PCDH9: variants seen among roughly 807,000 people sequenced by gnomAD.
The protein encoded by PCDH9 is protocadherin-9.
In PCDH9, 24 loss-of-function variants were observed where a neutral mutation model predicts 70.6. The ratio of observed to expected loss-of-function variants is 0.34; its 90% CI spans 0.25 to 0.48. The LOEUF is 0.48. PCDH9 is among the 20% of genes least tolerant of loss of function. The pLI, the probability that PCDH9 is intolerant of heterozygous loss-of-function variation, is 0.99. For missense variants in PCDH9, 1,281 were observed against 1,503.6 expected (o/e 0.85, Z 2.45); for synonymous variants, 562 against 558.5 (o/e 1.01, Z -0.09).
chr13:66,959,372 A>G (rs2139720975), intron 2 of PCDH9, among the ~76,000 whole-genome samples: 1 of 152,330 alleles, frequency 6.6e-6, no homozygotes, highest in East Asian at 1.9e-4. Flanking sequence ...CAAGAATGGC[A>G]TGATCTCAAT....
rs190549258 is a variant in PCDH9, at chr13:66,846,411, T to C, written c.3138+57093A>G. Among the ~76,000 whole-genome samples the C allele has an allele frequency of 1.5e-3, 228 of 152,284 alleles. 1 individual carries two copies. Among genetic ancestry groups the C allele is most frequent in the African/African-American group, 5.1e-3 (212 of 41,576 alleles). The stretch of plus-strand genomic sequence containing the variant: ...AGAATATATGAATGCCTTTTTTCAC[T>C]ACCAACATGTTGACCAGATGTTTTT... On this transcript the variant is annotated intron_variant, in intron 3 of 4. Transcript: ENST00000377865.
intron 3 of PCDH9, among the ~76,000 whole-genome samples, chr13:66,709,834 A>C (rs1463895526): frequency 6.6e-6 from 1 of 152,314 alleles, no homozygotes; most frequent in East Asian, 1.9e-4. Context: ...GTATATACTT[A>C]ACAGAGTCAG....
At chr13:66,426,025 A>T (rs1957662224) in intron 4 of PCDH9, among the ~76,000 whole-genome samples, 1 of 151,672 alleles carries the variant, frequency 6.6e-6, no homozygotes, top group African/African-American at 2.4e-5. Flanking sequence ...GTTCATCATG[A>T]CGTCATGTTA....
chr13:66,590,136 C>A (rs1326393441), intron 4 of PCDH9, among the ~76,000 whole-genome samples: 3 of 151,936 alleles, frequency 2.0e-5, no homozygotes, highest in African/African-American at 7.2e-5. Flanking sequence ...AAAATTAATT[C>A]TCAGTCTGTT....
At chr13:66,593,933 T>C (rs1356413042) in intron 4 of PCDH9, among the ~76,000 whole-genome samples, 1 of 62,636 alleles carries the variant, frequency 1.6e-5, no homozygotes, top group Admixed American at 2.2e-4. Flanking sequence ...TTATTATATA[T>C]AAAGTTTTTT....
intron 4 of PCDH9, among the ~76,000 whole-genome samples, chr13:66,398,502 T>C (rs1192835945): frequency 6.6e-6 from 1 of 152,100 alleles, no homozygotes; most frequent in African/African-American, 2.4e-5. Flanking sequence ...TTTCTTACTC[T>C]CTCCTTTGTT....
At chr13:67,019,437 C>T (rs1246185010) in intron 2 of PCDH9, among the ~76,000 whole-genome samples, 1 of 151,962 alleles carries the variant, frequency 6.6e-6, no homozygotes, top group East Asian at 1.9e-4. Flanking sequence ...CCTCATGATC[C>T]TCCCGCCTCA....
chr13:66,581,937 A>G (rs1480725271), intron 4 of PCDH9, among the ~76,000 whole-genome samples: 1 of 152,182 alleles, frequency 6.6e-6, no homozygotes, highest in East Asian at 1.9e-4. Context: ...TATGGAACAC[A>G]GGATCTGCTA....
chr13:66,794,524 A>C (rs2080209989), intron 3 of PCDH9, among the ~76,000 whole-genome samples: 1 of 152,120 alleles, frequency 6.6e-6, no homozygotes, highest in South Asian at 2.1e-4. Flanking sequence ...CAGCCTGCAC[A>C]TTTATAGGTG....
At chr13:66,366,116 A>G (rs1263847981) in intron 4 of PCDH9, among the ~76,000 whole-genome samples, 1 of 152,036 alleles carries the variant, frequency 6.6e-6, no homozygotes, top group Non-Finnish European at 1.5e-5. Context: ...TGAGGGGATA[A>G]AACAGTGGCC....
chr13:66,778,732 G>A (rs2079942522), intron 3 of PCDH9, among the ~76,000 whole-genome samples: 1 of 152,176 alleles, frequency 6.6e-6, no homozygotes, highest in African/African-American at 2.4e-5. Flanking sequence ...ATAAAGCTGA[G>A]ATAAGGAAAA....
At chr13:66,432,034 T>C (rs1226074278) in intron 4 of PCDH9, among the ~76,000 whole-genome samples, 3 of 152,034 alleles carry the variant, frequency 2.0e-5, no homozygotes. Context: ...ATTCGTTGTG[T>C]TTTTCATGAT....
intron 2 of PCDH9, among the ~76,000 whole-genome samples, chr13:67,098,985 T>A (rs2086378525): frequency 6.6e-6 from 1 of 152,152 alleles, no homozygotes; most frequent in Admixed American, 6.5e-5. Flanking sequence ...TCTCAGGCAA[T>A]CTTTTGTAAA....
intron 2 of PCDH9, among the ~76,000 whole-genome samples, chr13:67,176,524 CA>C (rs71691968): frequency 4.4e-4 from 67 of 150,716 alleles, no homozygotes; most frequent in African/African-American, 1.4e-3. Flanking sequence ...TAAAAATAAA[CA>C]AAAAAAAAAC....
chr13:66,871,654 T>G (rs2081689270), intron 3 of PCDH9, among the ~76,000 whole-genome samples: 1 of 152,104 alleles, frequency 6.6e-6, no homozygotes, highest in Admixed American at 6.6e-5. Flanking sequence ...TCTATCAATA[T>G]GCAGCCAGAT....
chr13:66,665,991 G>A (rs996732047), intron 3 of PCDH9, among the ~76,000 whole-genome samples: 4 of 152,290 alleles, frequency 2.6e-5, no homozygotes, highest in East Asian at 1.9e-4. Flanking sequence ...CCATTTCTGA[G>A]ACCTTGGGTG....
chr13:67,086,390 T>C (rs983611880), intron 2 of PCDH9, among the ~76,000 whole-genome samples: 1 of 152,176 alleles, frequency 6.6e-6, no homozygotes, highest in African/African-American at 2.4e-5. Context: ...ATTCAGAAAT[T>C]GCTATGTAAA....
At chr13:67,144,765 G>A (rs1488581623) in intron 2 of PCDH9, among the ~76,000 whole-genome samples, 2 of 152,128 alleles carry the variant, frequency 1.3e-5, no homozygotes, top group Non-Finnish European at 2.9e-5. Context: ...TATACATTAA[G>A]GAGAAAAGCA....
chr13:66,887,272 T>G (rs996235187), intron 3 of PCDH9, among the ~76,000 whole-genome samples: 1 of 152,120 alleles, frequency 6.6e-6, no homozygotes, highest in African/African-American at 2.4e-5. Context: ...TGATGGTATT[T>G]CAGTTCCTCT....
Sources: allele counts gnomAD v4.1 joint callset (sites outside exome capture counted in the v4.1 genomes callset), GRCh38; gene constraint gnomAD v4.1.1; transcripts MANE v1.5; gene names NCBI Gene and HGNC (gene_info 2026-07-23, HGNC 2026-07-21).